Variants in SMYD3 observed in about 807,000 individuals in gnomAD.
The protein encoded by SMYD3 is SET and MYND domain containing 3.
A neutral mutation model predicts 57.7 loss-of-function variants in SMYD3; 36 were observed. That is an observed-to-expected ratio of 0.62 (90% CI 0.48 to 0.82). The LOEUF is 0.82. SMYD3 is among the 40% of genes least tolerant of loss of function. The pLI, the probability that SMYD3 is intolerant of heterozygous loss-of-function variation, is 0.00. For missense variants in SMYD3, 515 were observed against 538.8 expected (o/e 0.96, Z 0.44); for synonymous variants, 211 against 195.0 (o/e 1.08, Z -0.68).
At chr1:246,019,517 T>C (rs372179829) in intron 5 of SMYD3, among the ~76,000 whole-genome samples, 152 of 152,256 alleles carry the variant, frequency 1.0e-3, no homozygotes, top group African/African-American at 3.6e-3. Context: ...TCCAAAAGCA[T>C]TGTCAAAAAG....
intron 5 of SMYD3, among the ~76,000 whole-genome samples, chr1:246,208,900 C>A (rs1168276323): frequency 6.6e-6 from 1 of 152,108 alleles, no homozygotes; most frequent in African/African-American, 2.4e-5. Flanking sequence ...AAGCATAATT[C>A]ATTTTGATCT....
intron 5 of SMYD3, among the ~76,000 whole-genome samples, chr1:246,020,010 C>A (rs375079194): frequency 1.5e-4 from 23 of 152,134 alleles, no homozygotes; most frequent in African/African-American, 5.6e-4. Context: ...TACTTGCCTG[C>A]CAGAAGAGTT....
At chr1:246,230,273 T>C (rs531263334) in intron 5 of SMYD3, among the ~76,000 whole-genome samples, 1 of 152,346 alleles carries the variant, frequency 6.6e-6, no homozygotes, top group Non-Finnish European at 1.5e-5. Flanking sequence ...CAATCTTTTT[T>C]TCACATGTAA....
chr1:246,174,233 T>C (rs1367775913), intron 5 of SMYD3, among the ~76,000 whole-genome samples: 1 of 152,192 alleles, frequency 6.6e-6, no homozygotes, highest in Non-Finnish European at 1.5e-5. Flanking sequence ...TGGCACAGAA[T>C]TACATGTGCT....
chr1:246,378,596 G>A (rs2066318506), intron 1 of SMYD3, among the ~76,000 whole-genome samples: 1 of 145,090 alleles, frequency 6.9e-6, no homozygotes, highest in Admixed American at 7.2e-5. Flanking sequence ...GGCCTATTGT[G>A]AGACCTTGTG....
At chr1:246,443,785 G>A (rs2067506252) in intron 1 of SMYD3, among the ~76,000 whole-genome samples, 2 of 152,072 alleles carry the variant, frequency 1.3e-5, no homozygotes, top group Non-Finnish European at 2.9e-5. Context: ...TATTATTGTT[G>A]CAACCCTGCA....
At chr1:246,227,519 G>A (rs2148439114) in intron 5 of SMYD3, among the ~76,000 whole-genome samples, 1 of 152,278 alleles carries the variant, frequency 6.6e-6, no homozygotes, top group South Asian at 2.1e-4. Context: ...GGAGGCTGAG[G>A]CAGGAGAATC....
At chr1:246,054,873 T>TAAAAAAAAAAAAAAA (rs749022916) in intron 5 of SMYD3, among the ~76,000 whole-genome samples, 2 of 79,112 alleles carry the variant, frequency 2.5e-5, no homozygotes, top group African/African-American at 7.8e-5. Context: ...AGGATGACTA[T>TAAAAAAAAAAAAAAA]AAAAAAAAAA....
intron 1 of SMYD3, among the ~76,000 whole-genome samples, chr1:246,400,535 T>C (rs1195118793): frequency 1.3e-5 from 2 of 152,194 alleles, no homozygotes; most frequent in Admixed American, 1.3e-4. Flanking sequence ...TGTGTCTGGA[T>C]CCAAAACCAT....
At chr1:245,753,493 C>G (rs2045480449) in intron 11 of SMYD3, among the ~76,000 whole-genome samples, 1 of 152,240 alleles carries the variant, frequency 6.6e-6, no homozygotes, top group South Asian at 2.1e-4. Context: ...GCAATTCACA[C>G]CTGGTGATGA....
chr1:246,489,865 C>T (rs562108288), intron 1 of SMYD3, among the ~76,000 whole-genome samples: 22 of 152,166 alleles, frequency 1.4e-4, no homozygotes, highest in African/African-American at 4.8e-4. Flanking sequence ...GACAGAGTCT[C>T]GCTCTGTCAC....
chr1:246,410,207 A>G (rs932595954), intron 1 of SMYD3, among the ~76,000 whole-genome samples: 5 of 152,094 alleles, frequency 3.3e-5, no homozygotes, highest in Admixed American at 1.3e-4. Context: ...CCAACACTAT[A>G]TTGAATAGGA....
At chr1:246,129,868 A>C (rs1282811136) in intron 5 of SMYD3, among the ~76,000 whole-genome samples, 1 of 152,196 alleles carries the variant, frequency 6.6e-6, no homozygotes, top group African/African-American at 2.4e-5. Context: ...ATTTGTGCAT[A>C]GAAACAATCA....
intron 10 of SMYD3, among the ~76,000 whole-genome samples, chr1:245,828,710 T>TTC (rs895882627): frequency 5.3e-4 from 2 of 3,784 alleles, no homozygotes; most frequent in African/African-American, 6.9e-4. Context: ...GTTTTTCTGA[T>TTC]TTTTTTTTTT....
chr1:246,283,189 G>T (rs1165082548), intron 5 of SMYD3, among the ~76,000 whole-genome samples: 1 of 152,180 alleles, frequency 6.6e-6, no homozygotes, highest in Non-Finnish European at 1.5e-5. Context: ...GGTGGCTTGG[G>T]TTCACACCAC....
chr1:245,979,860 A>C (rs1347932941), intron 5 of SMYD3, among the ~76,000 whole-genome samples: 2 of 152,246 alleles, frequency 1.3e-5, no homozygotes, highest in Non-Finnish European at 2.9e-5. Flanking sequence ...TGTCAAAAAC[A>C]AAAATGCAGT....
intron 8 of SMYD3, among the ~76,000 whole-genome samples, chr1:245,879,827 C>A (rs1235686179): frequency 2.6e-5 from 4 of 152,228 alleles, no homozygotes; most frequent in Admixed American, 1.3e-4. Flanking sequence ...TAATGGAAGT[C>A]TTCAAGCAAA....
chr1:246,129,618 T>C (rs1254248715), intron 5 of SMYD3, among the ~76,000 whole-genome samples: 1 of 152,214 alleles, frequency 6.6e-6, no homozygotes, highest in African/African-American at 2.4e-5. Context: ...AGCTATTGTT[T>C]TGCCATTTAA....
chr1:245,915,806 C>A (rs181677538), intron 7 of SMYD3, among the ~76,000 whole-genome samples, 166 bp from the exon 8 acceptor site: 1 of 152,072 alleles, frequency 6.6e-6, no homozygotes, highest in African/African-American at 2.4e-5. Flanking sequence ...AATGATCACA[C>A]GTAAATTTTT....
Sources: gnomAD v4.1 joint callset for allele counts (sites outside exome capture counted in the v4.1 genomes callset) on GRCh38, gnomAD v4.1.1 for gene constraint, MANE v1.5 for transcripts, NCBI Gene and HGNC (gene_info 2026-07-23, HGNC 2026-07-21) for gene names.